DTNBP1: variants seen among roughly 807,000 people sequenced by gnomAD.
DTNBP1 encodes the protein dystrobrevin binding protein 1, also known as dysbindin.
In DTNBP1, 35 loss-of-function variants were observed where a neutral mutation model predicts 42.8. That is an observed-to-expected ratio of 0.82 (90% confidence interval 0.63 to 1.09). DTNBP1 has a LOEUF of 1.09. Ranked by LOEUF, DTNBP1 falls within the 50% of genes least tolerant of loss-of-function variation. The pLI, the probability that DTNBP1 is intolerant of heterozygous loss-of-function variation, is 0.00. For missense variants in DTNBP1, 457 were observed against 424.2 expected (o/e 1.08, Z -0.68); for synonymous variants, 171 against 162.2 (o/e 1.05, Z -0.41).
intron 1 of DTNBP1, among the ~76,000 whole-genome samples, chr6:15,652,920 G>A (rs957380352): frequency 5.3e-5 from 8 of 152,172 alleles, no homozygotes; most frequent in African/African-American, 1.9e-4. Context: ...ACCACGCCAG[G>A]CCTTATTTTC....
At chr6:15,625,205 G>T (rs1314141940) in intron 5 of DTNBP1, among the ~76,000 whole-genome samples, 3 of 152,118 alleles carry the variant, frequency 2.0e-5, no homozygotes, top group African/African-American at 7.2e-5. Context: ...AAGGAAGCAT[G>T]TATTTCAAAG....
At chr6:15,555,197 G>C (rs1774442413) in intron 7 of DTNBP1, among the ~76,000 whole-genome samples, 1 of 149,916 alleles carries the variant, frequency 6.7e-6, no homozygotes, top group South Asian at 2.2e-4. Flanking sequence ...ACGCACACAA[G>C]ATAAAACACT....
intron 7 of DTNBP1, among the ~76,000 whole-genome samples, chr6:15,545,001 A>G (rs1420914300): frequency 6.6e-6 from 1 of 152,218 alleles, no homozygotes; most frequent in East Asian, 1.9e-4. Context: ...CAAAATACAC[A>G]ATATTTCCTT....
intron 3 of DTNBP1, among the ~76,000 whole-genome samples, chr6:15,639,012 T>A (rs574397074): frequency 6.6e-6 from 1 of 152,154 alleles, no homozygotes; most frequent in Non-Finnish European, 1.5e-5. Context: ...CCAGTACTCT[T>A]CGAAAGTACT....
chr6:15,565,550 T>G (rs967406996), intron 7 of DTNBP1, among the ~76,000 whole-genome samples: 1 of 152,074 alleles, frequency 6.6e-6, no homozygotes, highest in Non-Finnish European at 1.5e-5. Flanking sequence ...ACCTAGAAAA[T>G]ATTATGCTAA....
intron 5 of DTNBP1, among the ~76,000 whole-genome samples, chr6:15,619,975 C>A (rs1252390351): frequency 1.3e-5 from 2 of 151,466 alleles, no homozygotes; most frequent in South Asian, 4.2e-4. Context: ...CTTATAAAAA[C>A]TCCCTCTCCT....
At chr6:15,615,665 A>G (rs1236343056) in intron 5 of DTNBP1, among the ~76,000 whole-genome samples, 2 of 152,244 alleles carry the variant, frequency 1.3e-5, no homozygotes, top group Non-Finnish European at 2.9e-5. Flanking sequence ...AAATGGAGAA[A>G]CATTATCTTG....
chr6:15,538,153 TTA>T (rs1295906654), intron 7 of DTNBP1, among the ~76,000 whole-genome samples: 2 of 152,116 alleles, frequency 1.3e-5, no homozygotes, highest in Non-Finnish European at 2.9e-5. Flanking sequence ...AGCTGACTCC[TTA>T]AAGGGGGAAC....
intron 4 of DTNBP1, among the ~76,000 whole-genome samples, chr6:15,629,432 T>C (rs1464959217): frequency 6.6e-6 from 1 of 152,200 alleles, no homozygotes. Context: ...TAAAGTGCAA[T>C]GTTTAAATAT....
At chr6:15,579,411 G>C (rs1775723252) in intron 7 of DTNBP1, among the ~76,000 whole-genome samples, 1 of 152,226 alleles carries the variant, frequency 6.6e-6, no homozygotes, top group African/African-American at 2.4e-5. Flanking sequence ...CCAGATGTTG[G>C]TTAACAAATA....
At chr6:15,549,616 G>C (rs1334671296) in intron 7 of DTNBP1, among the ~76,000 whole-genome samples, 1 of 151,476 alleles carries the variant, frequency 6.6e-6, no homozygotes, top group Non-Finnish European at 1.5e-5. Flanking sequence ...AGCCCTCCTA[G>C]CCACCTCTGG....
At chr6:15,532,300 A>G (rs925299610) in intron 8 of DTNBP1, among the ~76,000 whole-genome samples, 1 of 151,996 alleles carries the variant, frequency 6.6e-6, no homozygotes, top group Non-Finnish European at 1.5e-5. Flanking sequence ...AAAAGCTGGG[A>G]AGAAGGAGTT....
chr6:15,653,176 C>T (rs1304049025), intron 1 of DTNBP1, among the ~76,000 whole-genome samples: 2 of 152,192 alleles, frequency 1.3e-5, no homozygotes, highest in African/African-American at 4.8e-5. Context: ...AAATATATTA[C>T]AAACTTCTTT....
rs904135249 is a variant in DTNBP1 at position 15,523,761 on chromosome 6, G to A, written c.812-542C>T. 9.3e-6 allele frequency: 12 copies of A among 1,287,056 alleles called. No homozygotes were observed. In the African/African-American group the frequency reaches 1.8e-4, roughly 20 times the overall value. 79.7% of individuals were successfully genotyped at this position (1,287,056 alleles called of 1,614,324 possible). On this transcript the variant is annotated intron_variant, in intron 9 of 9. Coordinates refer to ENST00000344537, the MANE Select transcript of DTNBP1 (RefSeq NM_032122.5). ...GTTCACGCTGGTCTCCAGTATTCTG[G>A]CCTTCTCAGGATGAGGGCAAATGCA...
intron 5 of DTNBP1, 118 bp from the exon 6 acceptor site, chr6:15,615,517 T>G (rs1758668007): frequency 7.3e-7 from 1 of 1,368,970 alleles, no homozygotes; most frequent in Non-Finnish European, 1.0e-6. Flanking sequence ...ATTTTTAATG[T>G]TTTTTATTAA....
At chr6:15,534,613 T>G (rs1773099290) in intron 7 of DTNBP1, among the ~76,000 whole-genome samples, 1 of 138,950 alleles carries the variant, frequency 7.2e-6, no homozygotes, top group African/African-American at 2.8e-5. Context: ...TGAGCCAAGA[T>G]CTTGCCACTG....
At chr6:15,538,472 CCT>C (rs1228170531) in intron 7 of DTNBP1, among the ~76,000 whole-genome samples, 1 of 152,208 alleles carries the variant, frequency 6.6e-6, no homozygotes. Context: ...CTCTGCGACC[CCT>C]GATCTCAGCC....
intron 8 of DTNBP1, among the ~76,000 whole-genome samples, chr6:15,531,140 C>A (rs370590836): frequency 1.3e-5 from 2 of 152,302 alleles, no homozygotes; most frequent in Non-Finnish European, 2.9e-5. Flanking sequence ...GAGCCCTCAT[C>A]AGAAACCGAT....
chr6:15,571,144 G>A (rs1355337094), intron 7 of DTNBP1, among the ~76,000 whole-genome samples: 1 of 152,206 alleles, frequency 6.6e-6, no homozygotes, highest in Non-Finnish European at 1.5e-5. Flanking sequence ...AAAGGGCACA[G>A]GCAGAGGTCC....
Sources: gnomAD v4.1 joint callset for allele counts (sites outside exome capture counted in the v4.1 genomes callset) on GRCh38, gnomAD v4.1.1 for gene constraint, MANE v1.5 for transcripts, NCBI Gene and HGNC (gene_info 2026-07-23, HGNC 2026-07-21) for gene names.